EYS: variants seen among roughly 807,000 people sequenced by gnomAD.
EYS encodes protein eyes shut homolog.
EYS carries 250 observed loss-of-function variants against 282.1 expected under a neutral mutation model. That is an observed-to-expected ratio of 0.89 (90% CI 0.80 to 0.98). The LOEUF is 0.98. Ranked by LOEUF, EYS falls within the 50% of genes least tolerant of loss-of-function variation. EYS has a pLI of 0.00. For synonymous variants in EYS, 1,355 were observed against 1,282.9 expected (o/e 1.06, Z -1.20); for missense variants, 4,016 against 3,709.0 (o/e 1.08, Z -2.15).
Position 64,381,717 on chromosome 6 carries a change from A to G in EYS, c.6078+6973T>C, listed in dbSNP as rs192330643. On this transcript the variant is annotated intron_variant, in intron 29 of 42. Transcript: ENST00000503581. Reference sequence around the variant, plus strand: ...AAACAGGAAAATTTTGGTGTATTGGATATGTACATCTTCAACTTTTTAAGT... The same window carrying G: ...AAACAGGAAAATTTTGGTGTATTGGGTATGTACATCTTCAACTTTTTAAGT... Among the ~76,000 whole-genome samples, 1,170 of 152,320 alleles carry G rather than the reference A, an allele frequency of 7.7e-3. 9 individuals carry two copies. The highest frequency in any genetic ancestry group is 0.013 in the Non-Finnish European group (878 of 68,014).
intron 12 of EYS, among the ~76,000 whole-genome samples, chr6:65,059,749 C>G (rs1392345071): frequency 6.6e-6 from 1 of 152,002 alleles, no homozygotes; most frequent in African/African-American, 2.4e-5. Context: ...CAGGAAGAAA[C>G]CTGTTTAAGT....
chr6:65,115,973 CTATCTATCTATCT>C lies in EYS; in HGVS notation c.2024-58259_2024-58247del, dbSNP rs573030749. On this transcript the variant is annotated intron_variant, in intron 12 of 42. Coordinates refer to ENST00000503581, the MANE Select transcript of EYS (RefSeq NM_001142800.2). ...CTGTCTGTCTGTCTATCTAATCTAT[CTATCTATCTATCT>C]ATCTATCTATCTATCTATCTATCTA... Among the ~76,000 whole-genome samples, 696 of 97,358 alleles carry C rather than the reference CTATCTATCTATCT, an allele frequency of 7.1e-3. 6 individuals carry two copies. Among genetic ancestry groups the C allele is most frequent in the African/African-American group, 0.036 (657 of 18,140 alleles). 63.9% of individuals were successfully genotyped at this position (97,358 alleles called of 152,430 possible). A position where few individuals can be genotyped will look rare whatever the true frequency, so the allele number is the denominator to read the frequency against.
At chr6:64,944,125 C>A (rs1769192642) in intron 15 of EYS, among the ~76,000 whole-genome samples, 1 of 151,990 alleles carries the variant, frequency 6.6e-6, no homozygotes, top group East Asian at 1.9e-4. Context: ...AGGGAAGGAC[C>A]CCCTATTCAA....
chr6:64,128,763 C>T (rs894755139), intron 31 of EYS, among the ~76,000 whole-genome samples: 2 of 152,132 alleles, frequency 1.3e-5, no homozygotes, highest in Admixed American at 6.5e-5. Flanking sequence ...GTATTTATTG[C>T]ATGCCTTCTA....
chr6:64,547,489 T>C (rs1764916143), intron 26 of EYS, among the ~76,000 whole-genome samples: 1 of 152,192 alleles, frequency 6.6e-6, no homozygotes, highest in African/African-American at 2.4e-5. Context: ...AGTAGCTAGA[T>C]ACAGAGTGTC....
At chr6:64,461,340 T>A (rs1447308115) in intron 26 of EYS, among the ~76,000 whole-genome samples, 1 of 152,148 alleles carries the variant, frequency 6.6e-6, no homozygotes, top group Non-Finnish European at 1.5e-5. Context: ...TGGATTATAT[T>A]GTGGAGAAAG....
intron 2 of EYS, among the ~76,000 whole-genome samples, chr6:65,533,651 T>C (rs902070795): frequency 6.6e-6 from 1 of 152,076 alleles, no homozygotes; most frequent in African/African-American, 2.4e-5. Context: ...AGTGCCTTTA[T>C]AAAAGAGTCC....
chr6:64,659,082 C>A (rs1371313908), intron 22 of EYS, among the ~76,000 whole-genome samples: 1 of 151,966 alleles, frequency 6.6e-6, no homozygotes, highest in African/African-American at 2.4e-5. Context: ...TTAAGAAACT[C>A]ACTCAAAACC....
chr6:63,738,314 A>G (rs1477789297), intron 41 of EYS, among the ~76,000 whole-genome samples: 1 of 152,166 alleles, frequency 6.6e-6, no homozygotes, highest in Non-Finnish European at 1.5e-5. Context: ...ACTATTCACA[A>G]TAGCAAAGAC....
intron 14 of EYS, among the ~76,000 whole-genome samples, chr6:64,975,103 C>A (rs975729059): frequency 6.6e-5 from 10 of 151,640 alleles, no homozygotes; most frequent in Non-Finnish European, 1.5e-4. Context: ...CTGAAAATTG[C>A]ATTTGAGATT....
rs560028502 is a variant in EYS at position 64,872,009 on chromosome 6, C to G, written c.2992+14688G>C. ...AATAGATAACTCTGGACAAAAGTAGCAAATGAAGGGAGTGGATATATTAAA... is the reference window on the plus strand; with the variant it reads ...AATAGATAACTCTGGACAAAAGTAGGAAATGAAGGGAGTGGATATATTAAA... On this transcript the variant is annotated intron_variant, in intron 19 of 42. Transcript: ENST00000503581. 2.0e-5 allele frequency among the ~76,000 whole-genome samples: 3 copies of G among 152,090 alleles called. No individual in the cohort carries two copies. In the South Asian group the frequency reaches 6.2e-4, roughly 32 times the overall value.
intron 22 of EYS, among the ~76,000 whole-genome samples, chr6:64,783,334 T>A (rs1000352227): frequency 6.6e-6 from 1 of 151,278 alleles, no homozygotes; most frequent in Non-Finnish European, 1.5e-5. Context: ...ATATCCTATA[T>A]ACATATATCC....
chr6:64,942,883 A>G (rs1311475134), intron 15 of EYS, among the ~76,000 whole-genome samples: 1 of 151,548 alleles, frequency 6.6e-6, no homozygotes, highest in Non-Finnish European at 1.5e-5. Context: ...AATTCACTCT[A>G]TGAACCAGTA....
At chr6:64,947,578 T>C (rs576200866) in intron 14 of EYS, among the ~76,000 whole-genome samples, 11 of 151,794 alleles carry the variant, frequency 7.2e-5, no homozygotes, top group Admixed American at 1.3e-4. Context: ...CATACCATGC[T>C]CCCTACATTG....
In EYS at chr6:63,777,873, A is replaced by C. The variant is rs1210056793; in HGVS notation, c.7898+133T>G. 3 of 846,528 alleles carry C rather than the reference A, an allele frequency of 3.5e-6. No homozygotes were observed. In the African/African-American group the frequency reaches 5.1e-5, roughly 14 times the overall value. The allele number at this position is 846,528 out of a possible 1,614,324, so 52.4% of individuals were successfully genotyped here. Reference sequence around the variant, plus strand: ...TTCACCTGTCCTCCCATCATGTAACAAGTCTACATAAGAACATTTTAAATA... The same window carrying C: ...TTCACCTGTCCTCCCATCATGTAACCAGTCTACATAAGAACATTTTAAATA... On this transcript the variant is annotated intron_variant, in intron 40 of 42. Transcript: ENST00000503581.
intron 35 of EYS, among the ~76,000 whole-genome samples, chr6:63,910,668 CTT>C (rs1773890653): frequency 6.6e-6 from 1 of 152,086 alleles, no homozygotes; most frequent in South Asian, 2.1e-4. Flanking sequence ...GACTAAAACT[CTT>C]TTAAATCATG....
At chr6:64,566,459 T>A (rs184393790) in intron 26 of EYS, among the ~76,000 whole-genome samples, 1 of 152,200 alleles carries the variant, frequency 6.6e-6, no homozygotes, top group African/African-American at 2.4e-5. Context: ...ATGTTAATAA[T>A]AAGCAATGTT....
chr6:65,177,412 T>C (rs570104490), intron 12 of EYS, among the ~76,000 whole-genome samples: 5 of 151,868 alleles, frequency 3.3e-5, no homozygotes, highest in Admixed American at 2.0e-4. Context: ...GAATAAATAT[T>C]CTATTTTATT....
intron 36 of EYS, among the ~76,000 whole-genome samples, chr6:63,822,974 A>G (rs1386552402): frequency 6.6e-6 from 1 of 151,990 alleles, no homozygotes; most frequent in African/African-American, 2.4e-5. Flanking sequence ...ATGTCTGTTG[A>G]ATTTGATTGG....
Sources: allele counts gnomAD v4.1 joint callset (sites outside exome capture counted in the v4.1 genomes callset), GRCh38; gene constraint gnomAD v4.1.1; transcripts MANE v1.5; gene names NCBI Gene and HGNC (gene_info 2026-07-23, HGNC 2026-07-21).